Variants in ATXN8OS observed in about 807,000 individuals in gnomAD.
The protein encoded by ATXN8OS is ATXN8 opposite strand lncRNA.
In ATXN8OS at chr13:70,137,548, A is replaced by C. The variant is rs1888635215; in HGVS notation, n.499+7664A>C. Among the ~76,000 whole-genome samples the C allele has an allele frequency of 5.3e-5, 8 of 152,192 alleles. No individual in the cohort carries two copies. In the South Asian group the frequency reaches 1.7e-3, roughly 31 times the overall value. ...AAAGTTTAGGTGAACTGACATGACC[A>C]GATTTTGTTTGTAGTACACTATTTT... is the stretch of plus-strand genomic sequence containing the variant. On this transcript the variant is annotated intron_variant and non_coding_transcript_variant, in intron 3 of 4. Transcript: ENST00000678624.
At chr13:70,119,107 AAAG>A (rs1251116505) in intron 2 of ATXN8OS, among the ~76,000 whole-genome samples, 5 of 152,108 alleles carry the variant, frequency 3.3e-5, no homozygotes, top group Admixed American at 2.6e-4. Context: ...GACACACACA[AAAG>A]AAGGATTGTA....
At chr13:70,154,194 T>C (rs1275621326) in intron 4 of ATXN8OS, among the ~76,000 whole-genome samples, 1 of 152,196 alleles carries the variant, frequency 6.6e-6, no homozygotes, top group Non-Finnish European at 1.5e-5. Context: ...TTGAGAGGCA[T>C]GTGGGGTTGG....
Position 70,167,763 on chromosome 13 carries a change from T to G in ATXN8OS, n.574-1990T>G, listed in dbSNP as rs371302834. ...TTTTTTTTTTTTGAGACAGACAGAG[T>G]CTCGCTCTGTTGCCCAGGCTGGAGT... On this transcript the variant is annotated intron_variant and non_coding_transcript_variant, in intron 4 of 4. Coordinates refer to ENST00000678624, the Ensembl canonical transcript of ATXN8OS. Among the ~76,000 whole-genome samples the G allele has an allele frequency of 2.7e-5, 3 of 112,282 alleles. No individual in the cohort carries two copies. The East Asian group carries it at 9.0e-4, about 34-fold the overall frequency. 73.7% of individuals were successfully genotyped at this position (112,282 alleles called of 152,430 possible).
At chr13:70,129,779 A>C (rs892379076) in intron 2 of ATXN8OS, 22 of 398,360 alleles carry the variant, frequency 5.5e-5, no homozygotes, top group African/African-American at 4.5e-4. Flanking sequence ...CTTTAATTGC[A>C]ATAGCTATGG....
At chr13:70,129,287 T>C (rs1404680582) in intron 2 of ATXN8OS, among the ~76,000 whole-genome samples, 5 of 152,196 alleles carry the variant, frequency 3.3e-5, no homozygotes, top group African/African-American at 9.7e-5. Context: ...ATTTGAAGGA[T>C]TGGTATGTTG....
intron 4 of ATXN8OS, among the ~76,000 whole-genome samples, chr13:70,165,403 AAGAAG>A (rs1171286162): frequency 6.6e-6 from 1 of 151,902 alleles, no homozygotes; most frequent in Non-Finnish European, 1.5e-5. Context: ...AGTATTTTTG[AAGAAG>A]AGAAAAGAAT....
intron 3 of ATXN8OS, among the ~76,000 whole-genome samples, chr13:70,146,465 G>A (rs9599559): frequency 0.22 from 34,057 of 151,896 alleles, 4,263 homozygotes; most frequent in East Asian, 0.53. Flanking sequence ...ACATGCACAC[G>A]TATGTTTATT....
intron 4 of ATXN8OS, among the ~76,000 whole-genome samples, chr13:70,169,582 G>A (rs544834532): frequency 2.4e-4 from 37 of 152,070 alleles, no homozygotes; most frequent in African/African-American, 7.5e-4. Context: ...GGTGAGCCAC[G>A]GCGCCCAGCC....
At chr13:70,121,463 T>G (rs1383309319) in intron 2 of ATXN8OS, among the ~76,000 whole-genome samples, 1 of 152,080 alleles carries the variant, frequency 6.6e-6, no homozygotes, top group Non-Finnish European at 1.5e-5. Flanking sequence ...TTAAGAAAGG[T>G]GACCTGTATT....
At chr13:70,115,044 GT>G in intron 1 of ATXN8OS, 1 of 394,582 alleles carries the variant, frequency 2.5e-6, no homozygotes, top group Non-Finnish European at 4.5e-6. Context: ...GTGTGTGTGT[GT>G]GTGCATGTGT....
chr13:70,136,428 T>A (rs1304476010), intron 3 of ATXN8OS, among the ~76,000 whole-genome samples: 2 of 151,734 alleles, frequency 1.3e-5, no homozygotes, highest in African/African-American at 2.4e-5. Flanking sequence ...TGTATCCTAC[T>A]TTTTTGCCTT....
intron 3 of ATXN8OS, among the ~76,000 whole-genome samples, chr13:70,144,774 T>C (rs1358825950): frequency 1.3e-5 from 2 of 152,160 alleles, no homozygotes; most frequent in Non-Finnish European, 2.9e-5. Flanking sequence ...CAAACTTAAA[T>C]CATCTAAGTG....
intron 4 of ATXN8OS, among the ~76,000 whole-genome samples, chr13:70,155,155 A>G (rs1888920970): frequency 6.6e-6 from 1 of 152,180 alleles, no homozygotes. Flanking sequence ...TGAATCCTGC[A>G]ACAGTACCTT....
chr13:70,164,570 T>C (rs999753467), intron 4 of ATXN8OS, among the ~76,000 whole-genome samples: 5 of 152,044 alleles, frequency 3.3e-5, no homozygotes, highest in Admixed American at 2.0e-4. Flanking sequence ...CAGCTACCTA[T>C]CTTTGTCATC....
chr13:70,128,280 T>C (rs1241611458), intron 2 of ATXN8OS, among the ~76,000 whole-genome samples: 2 of 152,138 alleles, frequency 1.3e-5, no homozygotes, highest in African/African-American at 4.8e-5. Context: ...ATAACACAGC[T>C]GGGGTCCACT....
intron 3 of ATXN8OS, among the ~76,000 whole-genome samples, chr13:70,138,811 C>T (rs9542184): frequency 0.16 from 23,695 of 151,862 alleles, 2,017 homozygotes; most frequent in East Asian, 0.24. Flanking sequence ...TGTAAAAATT[C>T]ATAATGAAGT....
chr13:70,129,139 C>T (rs576852702), intron 2 of ATXN8OS, among the ~76,000 whole-genome samples: 196 of 152,196 alleles, frequency 1.3e-3, no homozygotes, highest in African/African-American at 4.5e-3. Context: ...GGAGTACAGG[C>T]GTGAGCCACC....
intron 4 of ATXN8OS, among the ~76,000 whole-genome samples, chr13:70,157,687 A>G (rs1888955237): frequency 6.6e-6 from 1 of 152,108 alleles, no homozygotes; most frequent in Non-Finnish European, 1.5e-5. Context: ...GTACACGGAG[A>G]ACCTTATATT....
intron 3 of ATXN8OS, among the ~76,000 whole-genome samples, chr13:70,136,572 T>A (rs1888618249): frequency 6.6e-6 from 1 of 152,036 alleles, no homozygotes; most frequent in South Asian, 2.1e-4. Context: ...CTTACAATTT[T>A]AAAAATCTCC....
Sources: allele counts gnomAD v4.1 joint callset (sites outside exome capture counted in the v4.1 genomes callset), GRCh38; gene constraint gnomAD v4.1.1; transcripts MANE v1.5; gene names NCBI Gene and HGNC (gene_info 2026-07-23, HGNC 2026-07-21).